The following VIPR1 variants were observed in gnomAD, a reference collection of about 807,000 sequenced individuals.
VIPR1 encodes the protein vasoactive intestinal polypeptide receptor 1.
VIPR1 carries 59 observed loss-of-function variants against 58.8 expected under a neutral mutation model. The ratio of observed to expected loss-of-function variants is 1.00; its 90% CI spans 0.81 to 1.25. VIPR1 has a LOEUF of 1.25. Ranked by LOEUF, VIPR1 falls within the 50% of genes most tolerant of loss-of-function variation. The pLI, the probability that VIPR1 is intolerant of heterozygous loss-of-function variation, is 0.00. For synonymous variants in VIPR1, 251 were observed against 242.1 expected, an observed-to-expected ratio of 1.04 and a Z score of -0.34; for missense variants, 626 against 602.7, an observed-to-expected ratio of 1.04 and a Z score of -0.40.
chr3:42,523,765 G>T lies in VIPR1; in HGVS notation c.293-2122G>T, dbSNP rs537457717. Among the ~76,000 whole-genome samples, 5 of 152,254 alleles carry T rather than the reference G, an allele frequency of 3.3e-5. No homozygotes were observed. In the East Asian group the frequency reaches 9.7e-4, roughly 29 times the overall value. ...AGCCCCGGTCCCTCTGGTGAGTAGG[G>T]AGCCCAAAGCTCCAGTGTCCCAGCT... On this transcript the variant is annotated intron_variant, in intron 3 of 12. Coordinates refer to ENST00000325123, the MANE Select transcript of VIPR1 (RefSeq NM_004624.4).
At chr3:42,500,492 C>T (rs1224518378), upstream of VIPR1, 1 of 152,264 alleles carries the variant, frequency 6.6e-6, no homozygotes, top group African/African-American at 2.4e-5. Flanking sequence ...AGGATTTCAG[C>T]ATCCTGCAGC....
At chr3:42,534,608 CA>C (rs2125681052) in intron 10 of VIPR1, 1 of 174,882 alleles carries the variant, frequency 5.7e-6, no homozygotes, top group East Asian at 1.7e-4. Context: ...TCTCCTAGAC[CA>C]GGGGGCCCAG....
chr3:42,532,092 T>C (rs887193392), intron 9 of VIPR1, 150 bp from the exon 10 acceptor site: 1 of 932,536 alleles, frequency 1.1e-6, no homozygotes, highest in East Asian at 2.6e-5. Context: ...AGTTCCCGGA[T>C]GACCTGCCCA....
At chr3:42,496,417 A>G (rs962580767) in intron 1 of VIPR1, among the ~76,000 whole-genome samples, 1 of 152,234 alleles carries the variant, frequency 6.6e-6, no homozygotes. Context: ...GTAACATTGT[A>G]TCATACATAT....
At position 42,528,084 on chromosome 3, in the gene VIPR1, C is replaced by A. The variant is rs777447995; in HGVS notation, c.597C>A (p.Leu199=). ...CTGTCTTCATCAAAGACTTGGCCCTCTTCGACAGCGGGGAGTCGGACCAGT... is the reference window on the plus strand; with the variant it reads ...CTGTCTTCATCAAAGACTTGGCCCTATTCGACAGCGGGGAGTCGGACCAGT... ...AAAVFIKDLA[L]FDSGESDQCS... Residue 199 remains leucine (L), a synonymous_variant, in exon 6 of 13, where the codon CTC becomes CTA. Coordinates refer to ENST00000325123, the MANE Select transcript of VIPR1 (RefSeq NM_004624.4). 6.2e-7 allele frequency: 1 copy of A among 1,614,082 alleles called. No homozygotes were observed. The highest frequency in any genetic ancestry group is 2.2e-5 in the East Asian group (1 of 44,886).
intron 1 of VIPR1, among the ~76,000 whole-genome samples, chr3:42,511,450 A>G (rs1700358979): frequency 6.6e-6 from 1 of 152,162 alleles, no homozygotes; most frequent in African/African-American, 2.4e-5. Context: ...TCACATGTCA[A>G]TCCCCTGGAA....
Position 42,536,012 on chromosome 3 carries a change from A to G in VIPR1, c.1183-78A>G, listed in dbSNP as rs569007933. Reference sequence around the variant, plus strand: ...AGAGAATAAGACTGGCTAGTTCAGAACCCTAAGTCCAGGGCAGCCCAATCA... The same window carrying G: ...AGAGAATAAGACTGGCTAGTTCAGAGCCCTAAGTCCAGGGCAGCCCAATCA... On this transcript the variant is annotated intron_variant, in intron 12 of 12. Transcript: ENST00000325123. 6 of 1,452,556 alleles carry G rather than the reference A, an allele frequency of 4.1e-6. No homozygotes were observed. The African/African-American group carries it at 5.7e-5, about 14-fold the overall frequency. The allele number at this position is 1,452,556 out of a possible 1,614,324, so 90.0% of individuals were successfully genotyped here.
At chr3:42,527,753 G>A in intron 5 of VIPR1, 2 of 652,532 alleles carry the variant, frequency 3.1e-6, no homozygotes, top group Non-Finnish European at 5.2e-6. Context: ...CTGCACACAG[G>A]AATGAGGCTT....
chr3:42,493,346 G>A (rs1449664142), intron 1 of VIPR1, among the ~76,000 whole-genome samples: 1 of 152,160 alleles, frequency 6.6e-6, no homozygotes, highest in Non-Finnish European at 1.5e-5. Flanking sequence ...AAATAGCCTT[G>A]TCTCCCCAGG....
intron 1 of VIPR1, among the ~76,000 whole-genome samples, chr3:42,496,515 AC>A (rs1401053093): frequency 6.6e-6 from 1 of 152,216 alleles, no homozygotes; most frequent in East Asian, 1.9e-4. Context: ...TATTCTGAGA[AC>A]TGAAAAGAAT....
At position 42,513,825 on chromosome 3, in the gene VIPR1, A is replaced by T. The variant is rs1181133130; in HGVS notation, c.155A>T (p.Glu52Val). Reference protein sequence around the residue: ...MIEVQHKQCLEEAQLENETIG... With the variant: ...MIEVQHKQCLVEAQLENETIG... The stretch of plus-strand genomic sequence containing the variant: ...GAGGTGCAGCACAAGCAGTGCCTGG[A>T]GGAGGCCCAGCTGGAGAATGAGACA... The change falls in exon 2 of 13, where the codon GAG becomes GTG. Residue 52 changes from glutamate (E) to valine (V), a missense_variant. Coordinates refer to ENST00000325123, the MANE Select transcript of VIPR1 (RefSeq NM_004624.4). The T allele has an allele frequency of 1.9e-6, 3 of 1,551,506 alleles. No individual in the cohort carries two copies. The highest frequency in any genetic ancestry group is 2.6e-6 in the Non-Finnish European group (3 of 1,146,952).
At chr3:42,519,849 G>T (rs192629407) in intron 3 of VIPR1, among the ~76,000 whole-genome samples, 174 of 152,370 alleles carry the variant, frequency 1.1e-3, no homozygotes, top group African/African-American at 4.1e-3. Flanking sequence ...TTTGTGCAGT[G>T]AATGAAGCAC....
intron 2 of VIPR1, among the ~76,000 whole-genome samples, chr3:42,518,631 C>T (rs1307774098): frequency 6.6e-6 from 1 of 152,126 alleles, no homozygotes; most frequent in Non-Finnish European, 1.5e-5. Flanking sequence ...CCCAGCTACT[C>T]GGGAGGCTGA....
At chr3:42,529,828 C>T (rs988821636) in intron 6 of VIPR1, 7 of 152,234 alleles carry the variant, frequency 4.6e-5, no homozygotes, top group African/African-American at 1.7e-4. Context: ...CCACCCAGAG[C>T]CCTGTGATTG....
chr3:42,518,754 G>T (rs768190798), intron 2 of VIPR1, among the ~76,000 whole-genome samples: 1 of 99,648 alleles, frequency 1.0e-5, no homozygotes, highest in Non-Finnish European at 1.8e-5. Context: ...AGTAAATGGC[G>T]TGTGTTTATA....
chr3:42,533,690 C>T, intron 10 of VIPR1: 1 of 152,222 alleles, frequency 6.6e-6, no homozygotes, highest in Non-Finnish European at 1.5e-5. Context: ...CACTCTACAC[C>T]TCCCCATAAG....
At chr3:42,522,101 A>ATATTT (rs1419353370) in intron 3 of VIPR1, among the ~76,000 whole-genome samples, 4 of 35,374 alleles carry the variant, frequency 1.1e-4, no homozygotes, top group African/African-American at 4.3e-4. Flanking sequence ...ATATATATAT[A>ATATTT]TTTTTTTTTT....
chr3:42,531,580 C>T (rs1456173848), intron 8 of VIPR1, 49 bp downstream of exon 8: 1 of 1,583,858 alleles, frequency 6.3e-7, no homozygotes, highest in Non-Finnish European at 8.6e-7. Context: ...CTTGGGCAGG[C>T]CCCCTGGGTG....
intron 2 of VIPR1, 121 bp from the exon 3 acceptor site, chr3:42,519,102 G>A: frequency 1.3e-6 from 1 of 749,770 alleles, no homozygotes; most frequent in Non-Finnish European, 2.0e-6. Flanking sequence ...TCAGACTGGA[G>A]GCTCCTTGAG....
Sources: gnomAD v4.1 joint callset for allele counts (sites outside exome capture counted in the v4.1 genomes callset) on GRCh38, gnomAD v4.1.1 for gene constraint, MANE v1.5 for transcripts, NCBI Gene and HGNC (gene_info 2026-07-23, HGNC 2026-07-21) for gene names.